The following MID1 variants were observed in gnomAD, a reference collection of about 807,000 sequenced individuals.
The protein encoded by MID1 is midline 1, also known as E3 ubiquitin-protein ligase Midline-1.
A neutral mutation model predicts 40.4 loss-of-function variants in MID1; 7 were observed. The ratio of observed to expected loss-of-function variants is 0.17; its 90% CI spans 0.10 to 0.33. The LOEUF (loss-of-function observed/expected upper bound fraction) is 0.33, where lower values mean the gene tolerates loss of function less well. Among genes scored for constraint, MID1 ranks in the 10% least tolerant of loss-of-function variants. The pLI is 1.00. For missense variants in MID1, 367 were observed against 558.5 expected (o/e 0.66, Z 3.46); for synonymous variants, 229 against 221.2 (o/e 1.04, Z -0.31).
At chrX:10,505,577 T>G (rs1056274407) in intron 3 of MID1, 2 of 752,835 alleles carry the variant, frequency 2.7e-6, no homozygotes, top group African/African-American at 4.6e-5. Flanking sequence ...TCATAAAGTT[T>G]CTGAAAAGTA....
intron 1 of MID1, among the ~76,000 whole-genome samples, chrX:10,719,667 T>C (rs1190520128): frequency 8.9e-6 from 1 of 111,749 alleles, no homozygotes; most frequent in African/African-American, 3.3e-5. Flanking sequence ...AAGCTACCAA[T>C]GACTTTCTTC....
intron 1 of MID1, among the ~76,000 whole-genome samples, chrX:10,819,882 G>A (rs2044163345): frequency 1.8e-5 from 2 of 111,943 alleles, no homozygotes; most frequent in Admixed American, 1.9e-4. Context: ...AGTACGTATA[G>A]GCATGTCTCC....
chrX:10,574,798 T>A (rs914647591), intron 1 of MID1, among the ~76,000 whole-genome samples: 1 of 112,691 alleles, frequency 8.9e-6, no homozygotes, highest in Non-Finnish European at 1.9e-5. Flanking sequence ...AGTGAGTCAT[T>A]AGACCAAGGA....
At chrX:10,550,053 G>A (rs1933847896) in intron 2 of MID1, among the ~76,000 whole-genome samples, 1 of 112,689 alleles carries the variant, frequency 8.9e-6, no homozygotes, top group African/African-American at 3.2e-5. Flanking sequence ...TGGTTCCTTT[G>A]GAAGACCAAC....
intron 1 of MID1, among the ~76,000 whole-genome samples, chrX:10,825,290 C>T (rs770112697): frequency 9.3e-4 from 104 of 111,740 alleles, no homozygotes; most frequent in Non-Finnish European, 1.4e-3. Context: ...TTAACCTCCT[C>T]CTCCCCCTCA....
At chrX:10,754,063 T>C (rs2043615492) in intron 1 of MID1, among the ~76,000 whole-genome samples, 1 of 112,223 alleles carries the variant, frequency 8.9e-6, no homozygotes. Flanking sequence ...TAGTTCTAGC[T>C]TAATGTGAAT....
At chrX:10,514,533 A>C (rs889311150) in intron 3 of MID1, among the ~76,000 whole-genome samples, 1 of 112,374 alleles carries the variant, frequency 8.9e-6, no homozygotes, top group African/African-American at 3.2e-5. Flanking sequence ...AATTAAATTT[A>C]ACCTCTACCA....
intron 1 of MID1, among the ~76,000 whole-genome samples, chrX:10,793,268 C>T (rs1350944916): frequency 2.7e-5 from 3 of 112,452 alleles, no homozygotes; most frequent in Non-Finnish European, 3.8e-5. Flanking sequence ...GCTTTTCATA[C>T]ATTGCTGATC....
At chrX:10,702,806 G>A (rs1316166322) in intron 1 of MID1, among the ~76,000 whole-genome samples, 1 of 112,139 alleles carries the variant, frequency 8.9e-6, no homozygotes, top group Non-Finnish European at 1.9e-5. Flanking sequence ...TTGGAGTTGG[G>A]GCTTTTATGA....
chrX:10,523,266 C>A (rs1932771554), intron 2 of MID1, 79 bp from the exon 3 acceptor site: 2 of 713,648 alleles, frequency 2.8e-6, no homozygotes, highest in Middle Eastern at 4.1e-4. Context: ...ATTACTCATT[C>A]TCAGGAAAAA....
At chrX:10,662,042 C>T (rs911870886) in intron 1 of MID1, among the ~76,000 whole-genome samples, 13 of 111,858 alleles carry the variant, frequency 1.2e-4, no homozygotes, top group Non-Finnish European at 2.3e-4. Flanking sequence ...TGGTGGCTCA[C>T]GCCTGTAATC....
chrX:10,543,288 C>A (rs756182712), intron 2 of MID1, among the ~76,000 whole-genome samples: 2 of 112,047 alleles, frequency 1.8e-5, no homozygotes, highest in Admixed American at 1.9e-4. Flanking sequence ...GGTAACAACT[C>A]ATTTGTTTAG....
intron 1 of MID1, among the ~76,000 whole-genome samples, chrX:10,656,054 CTA>C (rs2042869439): frequency 8.9e-6 from 1 of 112,306 alleles, no homozygotes; most frequent in South Asian, 3.7e-4. Context: ...CTGATACACT[CTA>C]CACACACACA....
chrX:10,601,757 A>AT (rs778526464), intron 1 of MID1, among the ~76,000 whole-genome samples: 1,341 of 109,607 alleles, frequency 0.012, 26 homozygotes, highest in African/African-American at 0.042. Context: ...GTGCACACAC[A>AT]TTTTTTTTTC....
chrX:10,765,872 G>C (rs1266141923), intron 1 of MID1, among the ~76,000 whole-genome samples: 2 of 72,256 alleles, frequency 2.8e-5, no homozygotes, highest in African/African-American at 9.7e-5. Context: ...GATGCTAAAA[G>C]ACAAAAAGAA....
chrX:10,567,899 A>G (rs1934616796), intron 1 of MID1, among the ~76,000 whole-genome samples: 2 of 111,965 alleles, frequency 1.8e-5, no homozygotes, highest in African/African-American at 6.5e-5. Flanking sequence ...TGAAACTGTA[A>G]TTTCCATAAT....
intron 1 of MID1, among the ~76,000 whole-genome samples, chrX:10,793,499 A>G (rs771610686): frequency 8.0e-5 from 9 of 111,929 alleles, no homozygotes; most frequent in Non-Finnish European, 1.1e-4. Flanking sequence ...GCAAGTTCAC[A>G]ATGTCGCCAT....
intron 1 of MID1, among the ~76,000 whole-genome samples, chrX:10,831,104 C>T (rs1475965345): frequency 8.9e-6 from 1 of 111,810 alleles, no homozygotes; most frequent in East Asian, 2.8e-4. Flanking sequence ...TCAGCTCAGG[C>T]CAGCCACAGC....
intron 2 of MID1, among the ~76,000 whole-genome samples, chrX:10,539,483 TA>T (rs772678725): frequency 1.4e-3 from 155 of 112,102 alleles, no homozygotes; most frequent in African/African-American, 4.9e-3. Context: ...CTATTTTACA[TA>T]ATGATGACTA....
Sources: gnomAD v4.1 joint callset for allele counts (sites outside exome capture counted in the v4.1 genomes callset) on GRCh38, gnomAD v4.1.1 for gene constraint, MANE v1.5 for transcripts, NCBI Gene and HGNC (gene_info 2026-07-23, HGNC 2026-07-21) for gene names.